The following EFCAB5 variants were observed in gnomAD, a reference collection of about 807,000 sequenced individuals.
EFCAB5 encodes EF-hand calcium binding domain 5.
EFCAB5 carries 131 observed loss-of-function variants against 167.9 expected under a neutral mutation model. The observed-to-expected ratio is 0.78, with a 90% CI of 0.68 to 0.90. The LOEUF is 0.90. Ranked by LOEUF, EFCAB5 falls within the 40% of genes least tolerant of loss-of-function variation. The probability of loss-of-function intolerance (pLI) is 0.00; values close to 1 mark genes in which losing one functional copy is unlikely to be tolerated. For synonymous variants in EFCAB5, 574 were observed against 602.8 expected (o/e 0.95, Z 0.70); for missense variants, 1,663 against 1,745.2 (o/e 0.95, Z 0.84).
chr17:30,108,395 C>T lies in EFCAB5; in HGVS notation c.*371C>T, dbSNP rs962807130. The T allele has an allele frequency of 2.5e-5, 4 of 157,404 alleles. No homozygotes were observed. The highest frequency in any genetic ancestry group is 4.2e-5 in the Non-Finnish European group (3 of 71,726). 9.8% of individuals were successfully genotyped at this position (157,404 alleles called of 1,614,324 possible). Reference sequence around the variant, plus strand: ...GAAAACAAGAATACCAAATAGAATACGAAATAATAAAGATAAACCAAAAGA... The same window carrying T: ...GAAAACAAGAATACCAAATAGAATATGAAATAATAAAGATAAACCAAAAGA... On this transcript the variant is annotated 3_prime_UTR_variant, in exon 23 of 23. Coordinates refer to ENST00000394835, the MANE Select transcript of EFCAB5 (RefSeq NM_198529.4).
intron 21 of EFCAB5, among the ~76,000 whole-genome samples, chr17:30,092,421 C>G (rs1280012111): frequency 6.6e-6 from 1 of 152,040 alleles, no homozygotes; most frequent in African/African-American, 2.4e-5. Context: ...GAGTTTCACT[C>G]TTGTTGCCCA....
chr17:29,972,452 T>C (rs2067977087), intron 4 of EFCAB5: 1 of 152,142 alleles, frequency 6.6e-6, no homozygotes, highest in Non-Finnish European at 1.5e-5. Context: ...TTCTAGGCCC[T>C]TCAGGACTAA....
intron 18 of EFCAB5, among the ~76,000 whole-genome samples, chr17:30,083,495 C>T (rs1306732127): frequency 6.6e-6 from 1 of 152,230 alleles, no homozygotes; most frequent in Non-Finnish European, 1.5e-5. Context: ...GCTCTTGTTG[C>T]CCAGGCTGGA....
intron 11 of EFCAB5, 41 bp from the exon 12 acceptor site, chr17:30,056,023 G>A (rs1419797896): frequency 6.2e-7 from 1 of 1,613,104 alleles, no homozygotes; most frequent in Admixed American, 1.7e-5. Context: ...TATTGTGAAA[G>A]CGAAGTTTGA....
chr17:29,942,127 A>T, intron 1 of EFCAB5, 113 bp from the exon 2 acceptor site: 1 of 854,582 alleles, frequency 1.2e-6, no homozygotes, highest in Non-Finnish European at 1.8e-6. Context: ...CATGATATTT[A>T]CTCATTATGT....
chr17:30,020,478 C>A (rs1483212685), intron 7 of EFCAB5, among the ~76,000 whole-genome samples: 1 of 151,652 alleles, frequency 6.6e-6, no homozygotes, highest in Non-Finnish European at 1.5e-5. Flanking sequence ...AATTCTCCTG[C>A]CTCAGCCTCC....
At chr17:29,940,608 A>C (rs1342219961), upstream of EFCAB5, among the ~76,000 whole-genome samples, 1 of 152,150 alleles carries the variant, frequency 6.6e-6, no homozygotes, top group Admixed American at 6.5e-5. Flanking sequence ...TATCACATAA[A>C]TTTATTTTCT....
chr17:30,106,695 G>A (rs1330825372), intron 22 of EFCAB5, among the ~76,000 whole-genome samples: 1 of 152,178 alleles, frequency 6.6e-6, no homozygotes, highest in Non-Finnish European at 1.5e-5. Flanking sequence ...GACCTCAAGT[G>A]ATCCACTTGC....
At chr17:30,087,866 C>A (rs1363178876) in intron 19 of EFCAB5, among the ~76,000 whole-genome samples, 2 of 152,092 alleles carry the variant, frequency 1.3e-5, no homozygotes, top group Non-Finnish European at 2.9e-5. Flanking sequence ...GAGGAATCAC[C>A]ACACTGTCTT....
intron 4 of EFCAB5, among the ~76,000 whole-genome samples, chr17:29,981,534 C>T (rs1225482968): frequency 6.6e-6 from 1 of 152,196 alleles, no homozygotes; most frequent in Non-Finnish European, 1.5e-5. Context: ...GCACTTATCA[C>T]AGTTGTGATG....
chr17:30,092,259 G>T (rs1275259623), intron 21 of EFCAB5, 102 bp downstream of exon 21: 6 of 1,240,854 alleles, frequency 4.8e-6, no homozygotes, highest in African/African-American at 1.5e-5. Context: ...ACAAATGCAA[G>T]AATTTTTACT....
chr17:30,069,732 A>C, intron 14 of EFCAB5: 5 of 882,688 alleles, frequency 5.7e-6, no homozygotes, highest in Non-Finnish European at 8.9e-6. Context: ...CCGGTGCTGG[A>C]GCATGGTATG....
intron 3 of EFCAB5, among the ~76,000 whole-genome samples, chr17:29,949,992 T>C (rs1460157898): frequency 6.6e-6 from 1 of 152,158 alleles, no homozygotes; most frequent in Non-Finnish European, 1.5e-5. Context: ...ATATCCTTAA[T>C]GCAGGAGGAG....
chr17:29,977,877 A>G (rs2151600044), intron 4 of EFCAB5, among the ~76,000 whole-genome samples: 1 of 152,262 alleles, frequency 6.6e-6, no homozygotes, highest in Non-Finnish European at 1.5e-5. Flanking sequence ...TGTTCAAAGA[A>G]TTTATGTAAA....
chr17:30,077,690 G>A (rs558646644), intron 14 of EFCAB5, among the ~76,000 whole-genome samples: 1 of 152,312 alleles, frequency 6.6e-6, no homozygotes, highest in South Asian at 2.1e-4. Flanking sequence ...ATGGCCTTAC[G>A]GGCAGATGTG....
At chr17:30,024,589 A>G (rs1322474466) in intron 7 of EFCAB5, among the ~76,000 whole-genome samples, 3 of 152,052 alleles carry the variant, frequency 2.0e-5, no homozygotes, top group Non-Finnish European at 4.4e-5. Flanking sequence ...AATCAATATC[A>G]TGAAAATGGC....
At chr17:29,930,811 C>G (rs955641388) in intron 1 of EFCAB5, among the ~76,000 whole-genome samples, 1 of 152,134 alleles carries the variant, frequency 6.6e-6, no homozygotes, top group Admixed American at 6.5e-5. Flanking sequence ...TATTGCCTGT[C>G]TAAAGACTTA....
chr17:30,078,157 C>A, intron 14 of EFCAB5, 58 bp from the exon 15 acceptor site: 2 of 1,511,494 alleles, frequency 1.3e-6, no homozygotes, highest in Non-Finnish European at 1.8e-6. Context: ...AATGAAAATC[C>A]CCCCCACCAA....
rs990477387 is a variant in EFCAB5 at position 30,074,059 on chromosome 17, C to CT, written c.2738-4149dup. The CT allele has an allele frequency of 4.5e-5, 7 of 155,540 alleles. No homozygotes were observed. In the East Asian group the frequency reaches 7.4e-4, roughly 17 times the overall value. The allele number at this position is 155,540 out of a possible 1,614,324, so 9.6% of individuals were successfully genotyped here. On this transcript the variant is annotated intron_variant, in intron 14 of 22. Coordinates refer to ENST00000394835, the MANE Select transcript of EFCAB5 (RefSeq NM_198529.4). ...AAAAATGAAATTATACAGTATGCATCTTTTTTTACAGAGTTTAAACTCTAT... is the reference window on the plus strand; with the variant it reads ...AAAAATGAAATTATACAGTATGCATCTTTTTTTTACAGAGTTTAAACTCTAT...
Sources: allele counts gnomAD v4.1 joint callset (sites outside exome capture counted in the v4.1 genomes callset), GRCh38; gene constraint gnomAD v4.1.1; transcripts MANE v1.5; gene names NCBI Gene and HGNC (gene_info 2026-07-23, HGNC 2026-07-21).